CDH13: variants seen among roughly 807,000 people sequenced by gnomAD.
CDH13 encodes cadherin-13.
Under a neutral mutation model 63.8 loss-of-function variants are expected in CDH13, and 24 were observed. That is an observed-to-expected ratio of 0.38 (90% CI 0.27 to 0.53). The LOEUF is 0.53. Among genes scored for constraint, CDH13 ranks in the 20% least tolerant of loss-of-function variants. CDH13 has a pLI of 0.85. For synonymous variants in CDH13, 503 were observed against 355.3 expected (o/e 1.42, Z -4.67); for missense variants, 1,049 against 903.1 (o/e 1.16, Z -2.07).
At chr16:83,338,381 CAG>C (rs2090647287) in intron 5 of CDH13, among the ~76,000 whole-genome samples, 1 of 152,104 alleles carries the variant, frequency 6.6e-6, no homozygotes, top group African/African-American at 2.4e-5. Context: ...CTTTGGATTC[CAG>C]TCTCTTAAAG....
At chr16:82,799,995 C>A (rs2036773795) in intron 1 of CDH13, among the ~76,000 whole-genome samples, 1 of 152,182 alleles carries the variant, frequency 6.6e-6, no homozygotes, top group Admixed American at 6.5e-5. Flanking sequence ...ATTTTCTAAG[C>A]AGATGTTTAC....
At chr16:83,149,636 T>A (rs896467478) in intron 4 of CDH13, among the ~76,000 whole-genome samples, 3 of 152,184 alleles carry the variant, frequency 2.0e-5, no homozygotes, top group Non-Finnish European at 4.4e-5. Context: ...ACAGTGGGAA[T>A]AATGAAGAAA....
intron 1 of CDH13, among the ~76,000 whole-genome samples, chr16:82,643,452 G>A (rs1187516291): frequency 6.6e-6 from 1 of 152,192 alleles, no homozygotes. Context: ...CTTGGGGCTG[G>A]CAAGTGGTAG....
At chr16:83,129,752 A>C (rs1055299980) in intron 4 of CDH13, among the ~76,000 whole-genome samples, 3 of 152,186 alleles carry the variant, frequency 2.0e-5, no homozygotes, top group African/African-American at 4.8e-5. Context: ...CTTAGACAAA[A>C]AGGATTCTGT....
intron 2 of CDH13, among the ~76,000 whole-genome samples, chr16:82,882,969 C>T (rs1023602723): frequency 6.6e-6 from 1 of 152,092 alleles, no homozygotes; most frequent in Non-Finnish European, 1.5e-5. Flanking sequence ...CTAGAATTTG[C>T]CTGTAATGTG....
chr16:83,776,476 A>G (rs967110578), intron 11 of CDH13, among the ~76,000 whole-genome samples: 4 of 152,204 alleles, frequency 2.6e-5, no homozygotes, highest in Non-Finnish European at 5.9e-5. Context: ...CCATCCTTCA[A>G]ATGATCAATT....
chr16:83,624,349 T>TCC (rs1231276543), intron 8 of CDH13, among the ~76,000 whole-genome samples: 2 of 147,860 alleles, frequency 1.4e-5, no homozygotes, highest in South Asian at 2.2e-4. Context: ...CCCCCACCCC[T>TCC]GCCCCAGGTC....
At chr16:82,765,110 C>A (rs565385878) in intron 1 of CDH13, among the ~76,000 whole-genome samples, 1 of 152,202 alleles carries the variant, frequency 6.6e-6, no homozygotes, top group Non-Finnish European at 1.5e-5. Context: ...TTAAATCATT[C>A]ATTTCTTTGT....
At chr16:83,615,365 C>G (rs1337633413) in intron 8 of CDH13, among the ~76,000 whole-genome samples, 1 of 152,132 alleles carries the variant, frequency 6.6e-6, no homozygotes, top group Non-Finnish European at 1.5e-5. Flanking sequence ...TTTCAATTAT[C>G]TGACTCAAGT....
At chr16:83,539,793 A>C (rs1315429021) in intron 7 of CDH13, among the ~76,000 whole-genome samples, 2 of 152,172 alleles carry the variant, frequency 1.3e-5, no homozygotes, top group Non-Finnish European at 2.9e-5. Context: ...AGACTTATTC[A>C]CTCTGTGTGG....
intron 5 of CDH13, among the ~76,000 whole-genome samples, chr16:83,250,887 A>G (rs1905447017): frequency 6.6e-6 from 1 of 152,218 alleles, no homozygotes; most frequent in African/African-American, 2.4e-5. Context: ...TTGCAAAACC[A>G]GTGACACTGT....
At chr16:82,746,098 C>T (rs1198394975) in intron 1 of CDH13, among the ~76,000 whole-genome samples, 1 of 151,762 alleles carries the variant, frequency 6.6e-6, no homozygotes, top group Non-Finnish European at 1.5e-5. Flanking sequence ...CTATTTCTCT[C>T]TCTCTATATA....
chr16:83,671,154 C>T (rs141874513), intron 9 of CDH13, among the ~76,000 whole-genome samples, 182 bp downstream of exon 9: 2 of 152,202 alleles, frequency 1.3e-5, no homozygotes, highest in African/African-American at 2.4e-5. Flanking sequence ...GCAGCATAAA[C>T]AAGCAGCCAT....
At chr16:83,062,043 T>C (rs2031600676) in intron 3 of CDH13, among the ~76,000 whole-genome samples, 1 of 152,212 alleles carries the variant, frequency 6.6e-6, no homozygotes, top group South Asian at 2.1e-4. Flanking sequence ...GCAAAACGGA[T>C]GCTATCAGGA....
At chr16:83,195,483 C>T (rs1217311372) in intron 4 of CDH13, among the ~76,000 whole-genome samples, 1 of 152,020 alleles carries the variant, frequency 6.6e-6, no homozygotes, top group Non-Finnish European at 1.5e-5. Context: ...TCTTACAGGG[C>T]AGGAGCAGGA....
At chr16:83,777,817 A>G (rs1323154334) in intron 11 of CDH13, among the ~76,000 whole-genome samples, 1 of 152,262 alleles carries the variant, frequency 6.6e-6, no homozygotes, top group African/African-American at 2.4e-5. Context: ...AAACATAAAT[A>G]TAGTACAAGA....
At chr16:82,914,592 G>C (rs941982681) in intron 2 of CDH13, among the ~76,000 whole-genome samples, 1 of 152,132 alleles carries the variant, frequency 6.6e-6, no homozygotes, top group East Asian at 1.9e-4. Context: ...TTTTCAAAAG[G>C]TAAAGAGAAA....
intron 6 of CDH13, among the ~76,000 whole-genome samples, chr16:83,371,900 C>T (rs1425603445): frequency 6.6e-6 from 1 of 151,918 alleles, no homozygotes; most frequent in Non-Finnish European, 1.5e-5. Flanking sequence ...AGAACATTGT[C>T]CAGAAAAAAA....
chr16:83,142,369 C>A (rs1017521875), intron 4 of CDH13, among the ~76,000 whole-genome samples: 1 of 151,948 alleles, frequency 6.6e-6, no homozygotes, highest in Non-Finnish European at 1.5e-5. Context: ...GCCATGTTGG[C>A]CAGGCTGGTC....
Sources: gnomAD v4.1 joint callset for allele counts (sites outside exome capture counted in the v4.1 genomes callset) on GRCh38, gnomAD v4.1.1 for gene constraint, MANE v1.5 for transcripts, NCBI Gene and HGNC (gene_info 2026-07-23, HGNC 2026-07-21) for gene names.